NRXN3: variants seen among roughly 807,000 people sequenced by gnomAD.
NRXN3 encodes the protein neurexin 3.
A neutral mutation model predicts 137.6 loss-of-function variants in NRXN3; 32 were observed. The ratio of observed to expected loss-of-function variants is 0.23; its 90% CI spans 0.18 to 0.31. The LOEUF (loss-of-function observed/expected upper bound fraction) is 0.31. NRXN3 is among the 10% of genes least tolerant of loss of function. The probability of loss-of-function intolerance (pLI) is 1.00; values close to 1 mark genes in which losing one functional copy is unlikely to be tolerated. For synonymous variants in NRXN3, 798 were observed against 784.5 expected, an observed-to-expected ratio of 1.02 and a Z score of -0.29; for missense variants, 1,574 against 2,062.5, an observed-to-expected ratio of 0.76 and a Z score of 4.59.
chr14:79,054,539 T>A (rs1309721320), intron 15 of NRXN3, among the ~76,000 whole-genome samples: 1 of 152,208 alleles, frequency 6.6e-6, no homozygotes, highest in Non-Finnish European at 1.5e-5. Flanking sequence ...GGATTTGCTC[T>A]CTGTGCAAGG....
chr14:79,590,381 G>A (rs1490148602), intron 16 of NRXN3, among the ~76,000 whole-genome samples: 1 of 129,266 alleles, frequency 7.7e-6, no homozygotes, highest in African/African-American at 3.2e-5. Context: ...CAGCGATGTG[G>A]AACTGTAAGT....
intron 15 of NRXN3, among the ~76,000 whole-genome samples, chr14:79,162,477 AT>A (rs1179426914): frequency 1.3e-5 from 2 of 151,880 alleles, no homozygotes; most frequent in Non-Finnish European, 2.9e-5. Context: ...TGAACTCATC[AT>A]TTTTTATGGC....
chr14:78,436,305 A>C (rs2094063814), intron 4 of NRXN3, among the ~76,000 whole-genome samples: 1 of 152,192 alleles, frequency 6.6e-6, no homozygotes, highest in Non-Finnish European at 1.5e-5. Context: ...AAACACATAC[A>C]TTTTTATGTC....
intron 16 of NRXN3, among the ~76,000 whole-genome samples, chr14:79,583,113 A>G (rs1436797752): frequency 6.6e-6 from 1 of 152,246 alleles, no homozygotes; most frequent in Non-Finnish European, 1.5e-5. Context: ...CACTGATTTC[A>G]GTACAATACA....
intron 4 of NRXN3, among the ~76,000 whole-genome samples, chr14:78,489,138 C>A (rs1186512615): frequency 6.6e-6 from 1 of 152,096 alleles, no homozygotes; most frequent in Non-Finnish European, 1.5e-5. Context: ...CATTAATGAG[C>A]ACAAATGTGT....
chr14:78,192,639 G>A (rs1421981242), intron 1 of NRXN3, among the ~76,000 whole-genome samples: 1 of 152,112 alleles, frequency 6.6e-6, no homozygotes, highest in East Asian at 1.9e-4. Context: ...ATATGAGGAT[G>A]AGGGAGAGAT....
intron 8 of NRXN3, among the ~76,000 whole-genome samples, chr14:78,787,312 T>C (rs1425709439): frequency 1.3e-5 from 2 of 152,156 alleles, no homozygotes; most frequent in Non-Finnish European, 2.9e-5. Context: ...CACATTCTAG[T>C]GAGTACAACT....
intron 10 of NRXN3, among the ~76,000 whole-genome samples, chr14:78,837,143 A>G (rs905025925): frequency 1.3e-5 from 2 of 152,210 alleles, no homozygotes; most frequent in African/African-American, 2.4e-5. Flanking sequence ...ATGCACCTCT[A>G]TCGAGCCCTA....
chr14:78,433,846 A>G (rs2093972540), intron 4 of NRXN3, among the ~76,000 whole-genome samples: 1 of 152,166 alleles, frequency 6.6e-6, no homozygotes, highest in Non-Finnish European at 1.5e-5. Flanking sequence ...GGCTCGGACA[A>G]CAAAATTTTG....
At chr14:79,280,455 A>G (rs1187460879) in intron 15 of NRXN3, 1 of 1,614,010 alleles carries the variant, frequency 6.2e-7, no homozygotes, top group African/African-American at 1.3e-5. Flanking sequence ...CACTCTCAGC[A>G]CGAGCACCAT....
intron 15 of NRXN3, among the ~76,000 whole-genome samples, chr14:79,386,048 C>A (rs2094605767): frequency 6.6e-6 from 1 of 152,132 alleles, no homozygotes; most frequent in Non-Finnish European, 1.5e-5. Context: ...TGGCACAAGA[C>A]AAGGATGTCC....
chr14:79,806,327 G>T (rs1425783807), intron 20 of NRXN3, among the ~76,000 whole-genome samples: 1 of 152,054 alleles, frequency 6.6e-6, no homozygotes, highest in Non-Finnish European at 1.5e-5. Flanking sequence ...TGATTTACAA[G>T]ATTTCAAATC....
chr14:79,303,006 G>A (rs1047602692), intron 15 of NRXN3, among the ~76,000 whole-genome samples: 14 of 151,868 alleles, frequency 9.2e-5, no homozygotes, highest in African/African-American at 2.9e-4. Flanking sequence ...GAAATTTGGA[G>A]GGGACAAACA....
chr14:79,384,252 G>A (rs935540722), intron 15 of NRXN3, among the ~76,000 whole-genome samples: 2 of 152,156 alleles, frequency 1.3e-5, no homozygotes, highest in African/African-American at 2.4e-5. Flanking sequence ...GTTGGAGAGG[G>A]AGGTGGGGGA....
chr14:78,318,000 A>G (rs2078911679), intron 4 of NRXN3, among the ~76,000 whole-genome samples: 1 of 152,198 alleles, frequency 6.6e-6, no homozygotes, highest in Admixed American at 6.5e-5. Context: ...ATTGAGTTGC[A>G]AATGCCAGCT....
chr14:79,464,953 G>C (rs1407175694), intron 15 of NRXN3, among the ~76,000 whole-genome samples: 1 of 152,180 alleles, frequency 6.6e-6, no homozygotes, highest in Middle Eastern at 3.4e-3. Flanking sequence ...TCAATTTTTT[G>C]ACTTGTTATT....
Position 78,506,090 on chromosome 14 carries a change from C to A in NRXN3, c.758-139030C>A, listed in dbSNP as rs148509972. On this transcript the variant is annotated intron_variant, in intron 4 of 20. Coordinates refer to ENST00000335750, the MANE Select transcript of NRXN3 (RefSeq NM_001330195.2). ...GTATAGCAGATCTCTAAAATTTATT[C>A]ATTGAGCCTATATCCATTGAACAAT... Among the ~76,000 whole-genome samples, 139 of 152,216 alleles carry A rather than the reference C, an allele frequency of 9.1e-4. 1 individual carries two copies. Among genetic ancestry groups the A allele is most frequent in the African/African-American group, 3.2e-3 (131 of 41,540 alleles).
chr14:79,819,421 C>T (rs1174884154), intron 20 of NRXN3, among the ~76,000 whole-genome samples: 2 of 141,934 alleles, frequency 1.4e-5, no homozygotes, highest in Non-Finnish European at 3.0e-5. Context: ...TCGTTCCCAA[C>T]ATTTGTTGAG....
At chr14:79,581,448 A>G (rs2097715320) in intron 16 of NRXN3, among the ~76,000 whole-genome samples, 1 of 152,172 alleles carries the variant, frequency 6.6e-6, no homozygotes, top group African/African-American at 2.4e-5. Context: ...TGAACTTCCA[A>G]CCAACACATC....
Sources: allele counts gnomAD v4.1 joint callset (sites outside exome capture counted in the v4.1 genomes callset), GRCh38; gene constraint gnomAD v4.1.1; transcripts MANE v1.5; gene names NCBI Gene and HGNC (gene_info 2026-07-23, HGNC 2026-07-21).